The following ZNF677 variants were observed in gnomAD, a reference collection of about 807,000 sequenced individuals.
ZNF677 encodes hypothetical protein MGC48625.
ZNF677 carries 5 observed loss-of-function variants against 8.1 expected under a neutral mutation model. The observed-to-expected ratio is 0.62, with a 90% CI of 0.32 to 1.29. ZNF677 has a LOEUF of 1.29. ZNF677 is among the 50% of genes most tolerant of loss of function. ZNF677 has a pLI of 0.05. For missense variants in ZNF677, 685 were observed against 685.9 expected (o/e 1.00, Z 0.01); for synonymous variants, 221 against 225.6 (o/e 0.98, Z 0.18).
At chr19:53,242,025 G>A (rs1006490285) in intron 4 of ZNF677, 10 of 392,842 alleles carry the variant, frequency 2.5e-5, no homozygotes, top group Admixed American at 1.3e-4. Flanking sequence ...TCTGCCTCTC[G>A]GGTTCAAGCA....
intron 1 of ZNF677, among the ~76,000 whole-genome samples, 200 bp from the exon 2 acceptor site, chr19:53,253,356 G>A (rs1338850933): frequency 6.6e-6 from 1 of 152,188 alleles, no homozygotes; most frequent in Non-Finnish European, 1.5e-5. Flanking sequence ...GTGAAATCAA[G>A]TACCAGACAT....
intron 4 of ZNF677, chr19:53,243,131 C>T (rs1013219931): frequency 6.5e-6 from 1 of 152,888 alleles, no homozygotes; most frequent in African/African-American, 2.4e-5. Context: ...CATCTGAGCG[C>T]TTATTTGTGC....
At chr19:53,245,472 GA>G (rs1480782275) in intron 3 of ZNF677, among the ~76,000 whole-genome samples, 3 of 152,106 alleles carry the variant, frequency 2.0e-5, no homozygotes, top group African/African-American at 7.2e-5. Context: ...CAAAAGAGCT[GA>G]ACAGACATTT....
Position 53,235,768 on chromosome 19 carries a change from T to A in ZNF677, c.*1204A>T, listed in dbSNP as rs767266151. 6.6e-6 allele frequency: 1 copy of A among 152,212 alleles called. No homozygotes were observed. Among genetic ancestry groups the A allele is most frequent in the Non-Finnish European group, 1.5e-5 (1 of 68,042 alleles). 9.4% of individuals were successfully genotyped at this position (152,212 alleles called of 1,614,324 possible). ...CTTGTACTGTAACCAATCTCTCCTA[T>A]AATCGACAAAGGTCCCCAGTCACAT... is the stretch of plus-strand genomic sequence containing the variant. On this transcript the variant is annotated 3_prime_UTR_variant, in exon 5 of 5. Coordinates refer to ENST00000598513, the MANE Select transcript of ZNF677 (RefSeq NM_182609.4).
Position 53,238,085 on chromosome 19 carries a change from A to G in ZNF677, c.642T>C (p.Cys214=). The part of the protein sequence containing the change: ...RFQTGEKMYE[C]NPVEKSINSS... Reference sequence around the variant, plus strand: ...TATTGATAGACTTCTCAACTGGATTACATTCATACATTTTCTCCCCAGTTT... The same window carrying G: ...TATTGATAGACTTCTCAACTGGATTGCATTCATACATTTTCTCCCCAGTTT... Residue 214 remains cysteine, a synonymous_variant, in exon 5 of 5, where the codon TGT becomes TGC. Coordinates refer to ENST00000598513, the MANE Select transcript of ZNF677 (RefSeq NM_182609.4). The G allele has an allele frequency of 6.2e-7, 1 of 1,614,080 alleles. No individual in the cohort carries two copies. Among genetic ancestry groups the G allele is most frequent in the Non-Finnish European group, 8.5e-7 (1 of 1,179,956 alleles).
chr19:53,246,945 T>G (rs2091153436), intron 3 of ZNF677, among the ~76,000 whole-genome samples: 1 of 152,158 alleles, frequency 6.6e-6, no homozygotes, highest in Non-Finnish European at 1.5e-5. Context: ...TATGACAGAT[T>G]GTAGTGGTGG....
intron 1 of ZNF677, 45 bp from the exon 2 acceptor site, chr19:53,253,201 G>A (rs1972939847): frequency 6.6e-6 from 1 of 152,202 alleles, no homozygotes; most frequent in Non-Finnish European, 1.5e-5. Context: ...GCTGTGTCAG[G>A]AGTGGCAGGG....
intron 3 of ZNF677, among the ~76,000 whole-genome samples, chr19:53,248,971 G>A (rs1324729209): frequency 3.3e-5 from 5 of 151,866 alleles, no homozygotes; most frequent in African/African-American, 1.2e-4. Context: ...TTCTTATATT[G>A]TATTTTTCTT....
chr19:53,252,391 C>G (rs2091248986), intron 2 of ZNF677, among the ~76,000 whole-genome samples: 1 of 152,130 alleles, frequency 6.6e-6, no homozygotes, highest in African/African-American at 2.4e-5. Context: ...AGATATTTCA[C>G]CAAGTTACCT....
At chr19:53,245,188 C>T (rs1021237975) in intron 3 of ZNF677, among the ~76,000 whole-genome samples, 1 of 151,998 alleles carries the variant, frequency 6.6e-6, no homozygotes, top group Non-Finnish European at 1.5e-5. Flanking sequence ...TAGAAGAAAA[C>T]ATAGGGAAAA....
chr19:53,247,387 TA>T (rs35180499), intron 3 of ZNF677, among the ~76,000 whole-genome samples: 7,944 of 147,978 alleles, frequency 0.054, 254 homozygotes, highest in South Asian at 0.099. Context: ...CTGATGACCT[TA>T]AAAAAAAAAA....
intron 3 of ZNF677, among the ~76,000 whole-genome samples, chr19:53,248,607 G>A (rs2965231): frequency 0.74 from 112,885 of 152,128 alleles, 42,495 homozygotes; most frequent in African/African-American, 0.87. Flanking sequence ...TAGTTCTTTC[G>A]TTTCAAACTT....
chr19:53,241,762 A>G, intron 4 of ZNF677: 1 of 398,078 alleles, frequency 2.5e-6, no homozygotes, highest in East Asian at 3.6e-5. Context: ...ACCTCTATGT[A>G]GCAGAATGAT....
chr19:53,238,461 T>C lies in ZNF677; in HGVS notation c.266A>G (p.His89Arg). 7 of 1,613,456 alleles carry C rather than the reference T, an allele frequency of 4.3e-6. No individual in the cohort carries two copies. The highest frequency in any genetic ancestry group is 2.2e-5 in the East Asian group (1 of 44,858). ...CTTGAGGTCAAAATTGTTGATGCCA[T>C]GGCTTTCCTTTCTTTCTAATATCAC... is the stretch of plus-strand genomic sequence containing the variant. ...HLVILERKES[H>R]GINNFDLKEV... Residue 89 changes from histidine (H) to arginine (R), a missense_variant, in exon 5 of 5, where the codon CAT (histidine) becomes CGT (arginine). By Grantham distance (29) the His-to-Arg change is conservative. Coordinates refer to ENST00000598513, the MANE Select transcript of ZNF677 (RefSeq NM_182609.4).
intron 3 of ZNF677, among the ~76,000 whole-genome samples, chr19:53,248,179 T>G (rs1418864993): frequency 6.6e-6 from 1 of 152,216 alleles, no homozygotes; most frequent in Non-Finnish European, 1.5e-5. Context: ...CTGATAATAA[T>G]TAAGTTTCAA....
At position 53,238,083 on chromosome 19, in the gene ZNF677, T is replaced by G; in HGVS notation, c.644A>C (p.Asn215Thr). The G allele has an allele frequency of 1.2e-6, 2 of 1,614,082 alleles. No individual in the cohort carries two copies. The highest frequency in any genetic ancestry group is 1.7e-6 in the Non-Finnish European group (2 of 1,179,964). The change falls in exon 5 of 5, where the codon AAT (asparagine) becomes ACT (threonine). Residue 215 changes from asparagine (N) to threonine (T), a missense_variant. By Grantham distance (65) the Asn-to-Thr change is moderately conservative (BLOSUM62 0). Transcript: ENST00000598513. ...ACTATTGATAGACTTCTCAACTGGA[T>G]TACATTCATACATTTTCTCCCCAGT... ...FQTGEKMYEC[N>T]PVEKSINSSS... is the part of the protein sequence containing the mutation.
chr19:53,252,569 T>G (rs935421254), intron 2 of ZNF677, among the ~76,000 whole-genome samples: 3 of 152,200 alleles, frequency 2.0e-5, no homozygotes, highest in Non-Finnish European at 4.4e-5. Context: ...ATTTAACTCT[T>G]TTCCAGAAAA....
chr19:53,237,675 TCATTA>T lies in ZNF677; in HGVS notation c.1047_1051del (p.Cys349Ter), dbSNP rs1370950598. On this transcript the variant is annotated stop_gained and frameshift_variant, in exon 5 of 5. Coordinates refer to ENST00000598513, the MANE Select transcript of ZNF677 (RefSeq NM_182609.4). LOFTEE classifies it low-confidence loss of function (END_TRUNC). ...ACGCTGGATAAATGCCTTACCACATTCATTACATTTGTAAGGTTTCTCTCCAGTAT... is the reference window on the plus strand; with the variant it reads ...ACGCTGGATAAATGCCTTACCACATTCATTTGTAAGGTTTCTCTCCAGTAT... 5 of 1,613,064 alleles carry T rather than the reference TCATTA, an allele frequency of 3.1e-6. No homozygotes were observed. The highest frequency in any genetic ancestry group is 1.1e-5 in the South Asian group (1 of 90,854).
chr19:53,250,118 C>T (rs889125882), intron 3 of ZNF677, among the ~76,000 whole-genome samples: 4 of 152,030 alleles, frequency 2.6e-5, no homozygotes, highest in Non-Finnish European at 4.4e-5. Flanking sequence ...GTGATCCACC[C>T]GTCTCAGCCT....
Sources: gnomAD v4.1 joint callset for allele counts (sites outside exome capture counted in the v4.1 genomes callset) on GRCh38, gnomAD v4.1.1 for gene constraint, MANE v1.5 for transcripts, NCBI Gene and HGNC (gene_info 2026-07-23, HGNC 2026-07-21) for gene names.